The following HTR3C variants were observed in gnomAD, a reference collection of about 807,000 sequenced individuals.
HTR3C encodes the protein 5-HT3-C.
HTR3C carries 32 observed loss-of-function variants against 40.5 expected under a neutral mutation model. The observed-to-expected ratio is 0.79, with a 90% CI of 0.60 to 1.06. HTR3C has a LOEUF of 1.06. Among genes scored for constraint, HTR3C ranks in the 50% least tolerant of loss-of-function variants. The pLI is 0.00. For missense variants in HTR3C, 523 were observed against 556.8 expected (o/e 0.94, Z 0.61); for synonymous variants, 209 against 217.1 (o/e 0.96, Z 0.33).
At position 184,060,430 on chromosome 3, in the gene HTR3C, T is replaced by C. The variant is rs534026271; in HGVS notation, c.*78T>C. On this transcript the variant is annotated 3_prime_UTR_variant, in exon 9 of 9. Coordinates refer to ENST00000318351, the MANE Select transcript of HTR3C (RefSeq NM_130770.3). ...GGGCCAGCCGGACTCATTTTCCTAA[T>C]CTTAGCCACTTATCCCCAGTGACTA... is the stretch of plus-strand genomic sequence containing the variant. 3.1e-5 allele frequency: 48 copies of C among 1,565,142 alleles called. No homozygotes were observed. The South Asian group carries it at 5.4e-4, about 18-fold the overall frequency.
chr3:184,055,539 C>T (rs1203240326), intron 3 of HTR3C, among the ~76,000 whole-genome samples, 183 bp downstream of exon 3: 1 of 151,960 alleles, frequency 6.6e-6, no homozygotes, highest in Non-Finnish European at 1.5e-5. Context: ...CATGGTGAAA[C>T]CCCATCTCTA....
chr3:184,057,125 G>T, intron 5 of HTR3C, 81 bp downstream of exon 5: 1 of 1,119,890 alleles, frequency 8.9e-7, no homozygotes, highest in Non-Finnish European at 1.3e-6. Context: ...AAAAGGTTTT[G>T]GATCAGTGTT....
chr3:184,053,815 C>A (rs1723270477), intron 1 of HTR3C, among the ~76,000 whole-genome samples: 1 of 152,114 alleles, frequency 6.6e-6, no homozygotes, highest in Admixed American at 6.5e-5. Flanking sequence ...AGTGCAGTGG[C>A]ACGATCTTGG....
At chr3:184,059,281 C>T (rs371735639) in intron 6 of HTR3C, among the ~76,000 whole-genome samples, 155 bp from the exon 7 acceptor site, 1 of 152,172 alleles carries the variant, frequency 6.6e-6, no homozygotes, top group East Asian at 1.9e-4. Context: ...AAATCAGAGG[C>T]CCCTATGTAG....
rs577608762 is a variant in HTR3C at position 184,060,532 on chromosome 3, C to T, written c.*180C>T. On this transcript the variant is annotated 3_prime_UTR_variant, in exon 9 of 9. Transcript: ENST00000318351. ...TTCGGGACAGCCCTGGACGATTTCC[C>T]GACCGCTGCTCAGGCTGCTCATTCC... The T allele has an allele frequency of 8.2e-5, 60 of 728,222 alleles. No individual in the cohort carries two copies. The East Asian group carries it at 1.3e-3, about 15-fold the overall frequency. The allele number at this position is 728,222 out of a possible 1,614,324, so 45.1% of individuals were successfully genotyped here. A position where few individuals can be genotyped will look rare whatever the true frequency, so the allele number is the denominator to read the frequency against.
intron 6 of HTR3C, 34 bp downstream of exon 6, chr3:184,058,621 C>T (rs1370338526): frequency 2.5e-6 from 4 of 1,591,824 alleles, no homozygotes; most frequent in African/African-American, 1.4e-5. Flanking sequence ...ACTTCTGATC[C>T]CAGCAGCTCT....
chr3:184,057,113 A>C, intron 5 of HTR3C, 69 bp downstream of exon 5: 1 of 1,265,476 alleles, frequency 7.9e-7, no homozygotes, highest in Non-Finnish European at 1.1e-6. Context: ...AGGTATCATT[A>C]GAAAAGGTTT....
At position 184,060,259 on chromosome 3, in the gene HTR3C, G is replaced by T; in HGVS notation, c.1251G>T (p.Gln417His). 2.5e-6 allele frequency: 4 copies of T among 1,614,154 alleles called. No homozygotes were observed. Among genetic ancestry groups the T allele is most frequent in the Non-Finnish European group, 2.5e-6 (3 of 1,180,030 alleles). Residue 417 changes from glutamine (Q) to histidine (H), a missense_variant, in exon 9 of 9, where the codon CAG becomes CAT. Gln to His is a conservative substitution (Grantham distance 24). Transcript: ENST00000318351. ...TKTQLMELWV[Q>H]FSHAMDTLLF... The stretch of plus-strand genomic sequence containing the variant: ...CCCAGCTAATGGAGCTGTGGGTGCA[G>T]TTCAGCCACGCGATGGACACCCTGC...
Position 184,056,885 on chromosome 3 carries a change from G to A in HTR3C, c.400G>A (p.Asp134Asn). ...CCCTTCCCCAAACAGCATGGATGTG[G>A]ATCAGACGCCTTCCGGTCTCACTGC... ...DIFIVESMDV[D>N]QTPSGLTAYI... is the part of the protein sequence containing the mutation. Residue 134 changes from aspartate (D) to asparagine (N), a missense_variant, in exon 5 of 9, where the codon GAT becomes AAT. Physicochemically the swap from Asp to Asn is conservative, Grantham distance 23. Transcript: ENST00000318351. 6.2e-7 allele frequency: 1 copy of A among 1,607,568 alleles called. No homozygotes were observed. Among genetic ancestry groups the A allele is most frequent in the Non-Finnish European group, 8.5e-7 (1 of 1,175,630 alleles).
chr3:184,059,392 C>T (rs1259963325), intron 6 of HTR3C, 44 bp from the exon 7 acceptor site: 1 of 1,562,466 alleles, frequency 6.4e-7, no homozygotes, highest in Admixed American at 1.7e-5. Context: ...AAATTGAGCC[C>T]TCTGACATCT....
rs755887220 is a variant in HTR3C at position 184,056,213 on chromosome 3, G to C, written c.316G>C (p.Glu106Gln). Residue 106 changes from glutamate (E) to glutamine (Q), a missense_variant, in exon 4 of 9, where the codon GAG (glutamate) becomes CAG (glutamine). Transcript: ENST00000318351. ...TCCTTTCATTAATTGGAACCCAAAA[G>C]AGTGTGTTGGCATCAATAAACTCAC... Reference protein sequence around the residue: ...DNPFINWNPKECVGINKLTVL... With the variant: ...DNPFINWNPKQCVGINKLTVL... The C allele has an allele frequency of 1.2e-6, 2 of 1,613,952 alleles. No homozygotes were observed. Among genetic ancestry groups the C allele is most frequent in the Non-Finnish European group, 1.7e-6 (2 of 1,179,828 alleles).
rs1012942655 is a variant in HTR3C at position 184,059,924 on chromosome 3, C to T, written c.1022C>T (p.Pro341Leu). The change falls in exon 8 of 9, where the codon CCA (proline) becomes CTA (leucine). Residue 341 changes from proline to leucine, a missense_variant. Coordinates refer to ENST00000318351, the MANE Select transcript of HTR3C (RefSeq NM_130770.3). ...YLLHVATTQP[P>L]PMPRWLHSLL... is the part of the protein sequence containing the mutation. ...CTGCACGTGGCCACCACCCAGCCCC[C>T]ACCCATGCCTAGGTGGCTTCACTCC... 1.2e-6 allele frequency: 2 copies of T among 1,613,838 alleles called. No homozygotes were observed. The highest frequency in any genetic ancestry group is 2.7e-5 in the African/African-American group (2 of 74,906).
Position 184,055,306 on chromosome 3 carries a change from T to G in HTR3C, c.235-6T>G. The G allele has an allele frequency of 6.2e-7, 1 of 1,603,608 alleles. No homozygotes were observed. Among genetic ancestry groups the G allele is most frequent in the South Asian group, 1.1e-5 (1 of 90,870 alleles). On this transcript the variant is annotated splice_region_variant and splice_polypyrimidine_tract_variant and intron_variant, in intron 2 of 8. Coordinates refer to ENST00000318351, the MANE Select transcript of HTR3C (RefSeq NM_130770.3). ...TAATAATCCTGAGTGGAAATTTCCT[T>G]GTCAGGATGCACAGCTCCAGCTGCT...
Position 184,060,244 on chromosome 3 carries a change from G to A in HTR3C, c.1236G>A (p.Met412Ile). 1 of 1,614,164 alleles carries A rather than the reference G, an allele frequency of 6.2e-7. No individual in the cohort carries two copies. Among genetic ancestry groups the A allele is most frequent in the Non-Finnish European group, 8.5e-7 (1 of 1,180,042 alleles). Reference protein sequence around the residue: ...GGSGWTKTQLMELWVQFSHAM... With the variant: ...GGSGWTKTQLIELWVQFSHAM... The stretch of plus-strand genomic sequence containing the variant: ...CAGGATGGACAAAGACCCAGCTAAT[G>A]GAGCTGTGGGTGCAGTTCAGCCACG... Residue 412 changes from methionine (M) to isoleucine (I), a missense_variant, in exon 9 of 9, where the codon ATG becomes ATA. By Grantham distance (10) the Met-to-Ile change is conservative (BLOSUM62 1). Transcript: ENST00000318351.
Position 184,059,021 on chromosome 3 carries a change from C to T in HTR3C, c.721-415C>T, listed in dbSNP as rs573262922. Among the ~76,000 whole-genome samples, 26 of 152,206 alleles carry T rather than the reference C, an allele frequency of 1.7e-4. No homozygotes were observed. The South Asian group carries it at 2.5e-3, about 15-fold the overall frequency. ...TCCAGAGGGTTGGGCACCTGCTCCC[C>T]ACTGCCCCATCTACCTAATTGCCCT... On this transcript the variant is annotated intron_variant, in intron 6 of 8. Transcript: ENST00000318351.
At chr3:184,058,639 T>C (rs1332587307) in intron 6 of HTR3C, 52 bp downstream of exon 6, 5 of 1,580,032 alleles carry the variant, frequency 3.2e-6, no homozygotes, top group Non-Finnish European at 4.3e-6. Context: ...TCTTTGATTG[T>C]CCTCTTGACC....
chr3:184,056,801 G>T (rs1723335562), intron 4 of HTR3C, 74 bp from the exon 5 acceptor site: 2 of 1,350,360 alleles, frequency 1.5e-6, no homozygotes, highest in African/African-American at 2.9e-5. Flanking sequence ...GGAGAGCACA[G>T]CAGGGGAGAC....
chr3:184,056,114 TG>T (rs1723319039), intron 3 of HTR3C, 62 bp from the exon 4 acceptor site: 2 of 1,018,594 alleles, frequency 2.0e-6, no homozygotes, highest in African/African-American at 1.6e-5. Context: ...ATGGAAAGGG[TG>T]GGAGAGGCCG....
intron 6 of HTR3C, 74 bp downstream of exon 6, chr3:184,058,661 G>T (rs1723380993): frequency 5.9e-6 from 9 of 1,532,196 alleles, no homozygotes; most frequent in Non-Finnish European, 7.0e-6. Flanking sequence ...ATGGCTCTTT[G>T]GGAAGCAAAA....
Sources: gnomAD v4.1 joint callset for allele counts (sites outside exome capture counted in the v4.1 genomes callset) on GRCh38, gnomAD v4.1.1 for gene constraint, MANE v1.5 for transcripts, NCBI Gene and HGNC (gene_info 2026-07-23, HGNC 2026-07-21) for gene names.